Variants in SORCS3 observed in about 807,000 individuals in gnomAD.
The protein encoded by SORCS3 is sortilin related VPS10 domain containing receptor 3, also known as VPS10 domain-containing receptor SorCS3.
Under a neutral mutation model 146.3 loss-of-function variants are expected in SORCS3, and 57 were observed. The ratio of observed to expected loss-of-function variants is 0.39; its 90% confidence interval spans 0.31 to 0.49. The LOEUF is 0.49. Ranked by LOEUF, SORCS3 falls within the 20% of genes least tolerant of loss-of-function variation. The pLI is 0.92. For synonymous variants in SORCS3, 653 were observed against 618.5 expected, an observed-to-expected ratio of 1.06 and a Z score of -0.83; for missense variants, 1,341 against 1,575.5, an observed-to-expected ratio of 0.85 and a Z score of 2.52.
At chr10:104,667,044 T>G (rs1399970521) in intron 1 of SORCS3, among the ~76,000 whole-genome samples, 3 of 151,744 alleles carry the variant, frequency 2.0e-5, no homozygotes, top group Admixed American at 6.6e-5. Context: ...TTGGAGACAA[T>G]TATCAAGTTA....
chr10:105,225,894 T>A (rs2056731348), intron 20 of SORCS3, among the ~76,000 whole-genome samples: 1 of 152,054 alleles, frequency 6.6e-6, no homozygotes, highest in Non-Finnish European at 1.5e-5. Context: ...GTAACACTAC[T>A]GTTTTTTATA....
At position 104,953,696 on chromosome 10, in the gene SORCS3, C is replaced by A. The variant is rs966889295; in HGVS notation, c.796-23639C>A. On this transcript the variant is annotated intron_variant, in intron 3 of 26. Transcript: ENST00000369701. The stretch of plus-strand genomic sequence containing the variant: ...AGATGATCTTAGACTTCCCTTTCTG[C>A]TCTGTAATAGTTTTCCCAGAGTTGG... Among the ~76,000 whole-genome samples the A allele has an allele frequency of 3.9e-5, 6 of 152,174 alleles. No individual in the cohort carries two copies. The South Asian group carries it at 8.3e-4, about 21-fold the overall frequency.
intron 1 of SORCS3, among the ~76,000 whole-genome samples, chr10:104,671,046 T>C (rs2015844853): frequency 6.6e-6 from 1 of 152,100 alleles, no homozygotes; most frequent in South Asian, 2.1e-4. Context: ...TCCAATCTTT[T>C]TTTAAACTTT....
At chr10:105,051,670 C>T (rs2055414107) in intron 5 of SORCS3, among the ~76,000 whole-genome samples, 1 of 152,088 alleles carries the variant, frequency 6.6e-6, no homozygotes, top group African/African-American at 2.4e-5. Context: ...GAAGCTGCCT[C>T]TAAATGTGCA....
At chr10:104,798,246 T>G (rs2017581695) in intron 1 of SORCS3, among the ~76,000 whole-genome samples, 1 of 152,136 alleles carries the variant, frequency 6.6e-6, no homozygotes, top group Non-Finnish European at 1.5e-5. Context: ...ATGCAGAACT[T>G]GGAGCAATGG....
At chr10:104,757,068 T>G (rs1469477465) in intron 1 of SORCS3, among the ~76,000 whole-genome samples, 14 of 3,284 alleles carry the variant, frequency 4.3e-3, no homozygotes, top group African/African-American at 8.0e-3. Flanking sequence ...AGTTAAGGGT[T>G]TTTTTTTTTT....
intron 1 of SORCS3, among the ~76,000 whole-genome samples, chr10:104,803,366 G>T (rs148673768): frequency 2.6e-5 from 4 of 152,128 alleles, no homozygotes; most frequent in Admixed American, 2.0e-4. Context: ...GTGGCTTTCT[G>T]ATTCTGCTGT....
intron 1 of SORCS3, among the ~76,000 whole-genome samples, chr10:104,644,267 G>A (rs1383032797): frequency 6.6e-6 from 1 of 152,244 alleles, no homozygotes; most frequent in Non-Finnish European, 1.5e-5. Flanking sequence ...GCCACGCACT[G>A]TCCTCTCTCT....
At chr10:105,000,798 A>G (rs1182865646) in intron 4 of SORCS3, among the ~76,000 whole-genome samples, 3 of 152,110 alleles carry the variant, frequency 2.0e-5, no homozygotes, top group African/African-American at 7.2e-5. Context: ...AACTTTGTAT[A>G]TTGGGCTCAT....
At chr10:105,242,369 TATAC>T (rs2056830190) in intron 20 of SORCS3, among the ~76,000 whole-genome samples, 2 of 122,780 alleles carry the variant, frequency 1.6e-5, no homozygotes, top group Admixed American at 1.0e-4. Flanking sequence ...TATATATATT[TATAC>T]ATATATTTAT....
chr10:105,188,007 T>A (rs775674387), intron 14 of SORCS3, among the ~76,000 whole-genome samples: 5 of 152,026 alleles, frequency 3.3e-5, no homozygotes. Context: ...CTGCTGCTGG[T>A]GGTGGTGGTG....
At chr10:104,946,267 G>A (rs1009234759) in intron 3 of SORCS3, among the ~76,000 whole-genome samples, 3 of 151,738 alleles carry the variant, frequency 2.0e-5, no homozygotes, top group African/African-American at 4.8e-5. Flanking sequence ...AATACAGGAC[G>A]GCTGTTCTTG....
intron 19 of SORCS3, among the ~76,000 whole-genome samples, chr10:105,219,718 G>A (rs2056687519): frequency 6.6e-6 from 1 of 152,158 alleles, no homozygotes; most frequent in Non-Finnish European, 1.5e-5. Context: ...CATTTTTGCT[G>A]CATTTAAAAA....
At chr10:104,759,161 A>C (rs1333304437) in intron 1 of SORCS3, among the ~76,000 whole-genome samples, 1 of 152,192 alleles carries the variant, frequency 6.6e-6, no homozygotes, top group Non-Finnish European at 1.5e-5. Flanking sequence ...TAAGGCAGAG[A>C]TCAGGGTGAT....
At chr10:105,235,997 A>G (rs972029088) in intron 20 of SORCS3, among the ~76,000 whole-genome samples, 7 of 152,148 alleles carry the variant, frequency 4.6e-5, no homozygotes, top group Non-Finnish European at 2.9e-5. Flanking sequence ...ATTAGAACTT[A>G]TATTTAGCAT....
chr10:105,254,714 G>A (rs1000831491), intron 23 of SORCS3, among the ~76,000 whole-genome samples: 3 of 151,900 alleles, frequency 2.0e-5, no homozygotes, highest in Non-Finnish European at 2.9e-5. Flanking sequence ...CAGGAGAATC[G>A]CTTGAACCCA....
chr10:104,912,396 T>C (rs1289506809), intron 2 of SORCS3, among the ~76,000 whole-genome samples: 1 of 152,236 alleles, frequency 6.6e-6, no homozygotes, highest in African/African-American at 2.4e-5. Flanking sequence ...ATCTCCAGTC[T>C]TGCACTGCCT....
At chr10:105,261,886 C>T (rs915518446) in intron 25 of SORCS3, among the ~76,000 whole-genome samples, 10 of 152,124 alleles carry the variant, frequency 6.6e-5, no homozygotes, top group Non-Finnish European at 1.3e-4. Context: ...AGCTATGAAT[C>T]TATTATTTCT....
intron 1 of SORCS3, among the ~76,000 whole-genome samples, chr10:104,725,879 G>A (rs908137970): frequency 1.3e-5 from 2 of 152,194 alleles, no homozygotes; most frequent in Non-Finnish European, 2.9e-5. Context: ...TCTGTCACCC[G>A]TTTCTTTGAG....
Sources: allele counts gnomAD v4.1 joint callset (sites outside exome capture counted in the v4.1 genomes callset), GRCh38; gene constraint gnomAD v4.1.1; transcripts MANE v1.5; gene names NCBI Gene and HGNC (gene_info 2026-07-23, HGNC 2026-07-21).